SLC35D1: variants seen among roughly 807,000 people sequenced by gnomAD.
SLC35D1 encodes the protein nucleotide sugar transporter SLC35D1.
Under a neutral mutation model 46.7 loss-of-function variants are expected in SLC35D1, and 31 were observed. The ratio of observed to expected loss-of-function variants is 0.66; its 90% CI spans 0.50 to 0.90. The LOEUF (loss-of-function observed/expected upper bound fraction) is 0.90, where lower values mean the gene tolerates loss of function less well. SLC35D1 is among the 40% of genes least tolerant of loss of function. The pLI is 0.00. For missense variants in SLC35D1, 397 were observed against 426.2 expected, an observed-to-expected ratio of 0.93 and a Z score of 0.60; for synonymous variants, 195 against 164.6, an observed-to-expected ratio of 1.18 and a Z score of -1.41.
the SLC35D1 span, among the ~76,000 whole-genome samples, chr1:66,979,046 TAGGC>T: frequency 1.3e-5 from 2 of 152,174 alleles, no homozygotes; most frequent in African/African-American, 4.8e-5. Flanking sequence ...TTTTTTCCCT[TAGGC>T]AGGAATACCA....
At chr1:66,978,348 A>G in the SLC35D1 span, among the ~76,000 whole-genome samples, 1 of 152,172 alleles carries the variant, frequency 6.6e-6, no homozygotes, top group Non-Finnish European at 1.5e-5. Flanking sequence ...CCCACAGTAA[A>G]ACAATCTGAA....
intron 10 of SLC35D1, among the ~76,000 whole-genome samples, chr1:67,015,244 T>A (rs1207206817): frequency 6.7e-6 from 1 of 150,266 alleles, no homozygotes; most frequent in African/African-American, 2.4e-5. Flanking sequence ...TAAAAAATTT[T>A]AAAAATGTTT....
intron 11 of SLC35D1, chr1:67,008,529 C>A (rs959587972): frequency 7.2e-6 from 8 of 1,109,940 alleles, no homozygotes; most frequent in Non-Finnish European, 9.5e-6. Context: ...CTGAATGGAA[C>A]GTGCCGAACT....
Position 67,042,216 on chromosome 1 carries a change from C to T in SLC35D1, c.729+20G>A. 6.3e-7 allele frequency: 1 copy of T among 1,598,180 alleles called. No individual in the cohort carries two copies. Among genetic ancestry groups the T allele is most frequent in the Non-Finnish European group, 8.6e-7 (1 of 1,165,560 alleles). On this transcript the variant is annotated intron_variant, in intron 8 of 11. Transcript: ENST00000235345. The stretch of plus-strand genomic sequence containing the variant: ...CAGTTCATCAACGTAAGCCATTAAA[C>T]CGTAATTAGAAAGTCCTACCTTTTG...
chr1:67,013,146 T>C (rs1667600901), intron 10 of SLC35D1, among the ~76,000 whole-genome samples: 1 of 9,024 alleles, frequency 1.1e-4, no homozygotes, highest in Non-Finnish European at 2.0e-4. Flanking sequence ...TTTAAGAACA[T>C]ATATCCTGGA....
Position 67,052,108 on chromosome 1 carries a change from C to T in SLC35D1, c.325-29G>A, listed in dbSNP as rs574704667. 14 of 1,440,014 alleles carry T rather than the reference C, an allele frequency of 9.7e-6. No homozygotes were observed. In the South Asian group the frequency reaches 1.5e-4, roughly 15 times the overall value. The allele number at this position is 1,440,014 out of a possible 1,614,324, so 89.2% of individuals were successfully genotyped here. A position where few individuals can be genotyped will look rare whatever the true frequency, so the allele number is the denominator to read the frequency against. ...GAAAATTTAAAAAGGGATAACAAAA[C>T]TCAATAATAAAGATAGCTAAAACAA... On this transcript the variant is annotated intron_variant, in intron 3 of 11. Transcript: ENST00000235345.
downstream of SLC35D1, among the ~76,000 whole-genome samples, chr1:66,998,879 A>C (rs1368736434): frequency 1.3e-5 from 2 of 152,180 alleles, no homozygotes; most frequent in East Asian, 3.8e-4. Context: ...TGGAGTTTTA[A>C]TTTTGCAAGG....
At chr1:66,976,676 C>G in the SLC35D1 span, 1 of 1,605,930 alleles carries the variant, frequency 6.2e-7, no homozygotes, top group South Asian at 1.1e-5. Context: ...CTTTGCTCAG[C>G]AAACACGATT....
At chr1:66,984,762 T>C in the SLC35D1 span, 1 of 1,613,970 alleles carries the variant, frequency 6.2e-7, no homozygotes, top group Non-Finnish European at 8.5e-7. Flanking sequence ...ATGAAAATGA[T>C]TTTGATGAAA....
intron 3 of SLC35D1, among the ~76,000 whole-genome samples, chr1:67,052,386 T>C (rs1261113434): frequency 2.0e-5 from 3 of 152,134 alleles, no homozygotes; most frequent in Non-Finnish European, 4.4e-5. Context: ...CATGGCTCTA[T>C]TGTCAGCAGA....
intron 2 of SLC35D1, 44 bp from the exon 3 acceptor site, chr1:67,052,901 C>G (rs1240810963): frequency 1.2e-6 from 2 of 1,613,848 alleles, no homozygotes; most frequent in African/African-American, 2.7e-5. Context: ...CACATAAAGA[C>G]ACACACAGAA....
chr1:67,022,615 C>T (rs903045136), intron 8 of SLC35D1, among the ~76,000 whole-genome samples: 10 of 152,320 alleles, frequency 6.6e-5, no homozygotes, highest in Non-Finnish European at 1.3e-4. Context: ...AATGAACTCC[C>T]TGAAGGGAGG....
chr1:67,017,263 G>A (rs902225313), intron 10 of SLC35D1, among the ~76,000 whole-genome samples: 19 of 151,996 alleles, frequency 1.3e-4, no homozygotes, highest in Admixed American at 1.1e-3. Context: ...GTAAAAATGG[G>A]AGACTAGAAG....
At position 67,046,251 on chromosome 1, in the gene SLC35D1, C is replaced by T. The variant is rs80052255; in HGVS notation, c.636+1014G>A. Among the ~76,000 whole-genome samples, 581 of 152,258 alleles carry T rather than the reference C, an allele frequency of 3.8e-3. 3 individuals are homozygous for T. The highest frequency in any genetic ancestry group is 0.014 in the African/African-American group (564 of 41,558). On this transcript the variant is annotated intron_variant, in intron 7 of 11. Coordinates refer to ENST00000235345, the MANE Select transcript of SLC35D1 (RefSeq NM_015139.3). ...TTCTTTTCTAGAGGAGCAGGCAAAG[C>T]CCCTGGCCAAGGCAAGATCAATTCA...
chr1:66,998,699 A>T (rs1165388794), downstream of SLC35D1, among the ~76,000 whole-genome samples: 1 of 152,226 alleles, frequency 6.6e-6, no homozygotes, highest in Non-Finnish European at 1.5e-5. Flanking sequence ...AACATGGAAT[A>T]ACATCAAGGG....
the SLC35D1 span, among the ~76,000 whole-genome samples, chr1:66,974,987 A>G: frequency 2.0e-4 from 31 of 152,212 alleles, no homozygotes; most frequent in Admixed American, 1.4e-3. Flanking sequence ...AGAGGAGACA[A>G]AAAACAGCTT....
At chr1:66,988,907 G>C in the SLC35D1 span, among the ~76,000 whole-genome samples, 2 of 152,188 alleles carry the variant, frequency 1.3e-5, no homozygotes, top group African/African-American at 2.4e-5. Flanking sequence ...AGTGTTAATG[G>C]TAGAAAAGTA....
At chr1:66,978,112 C>A in the SLC35D1 span, among the ~76,000 whole-genome samples, 1 of 151,276 alleles carries the variant, frequency 6.6e-6, no homozygotes, top group East Asian at 1.9e-4. Context: ...AGAAGAATTG[C>A]TTGAACCCAG....
At chr1:67,032,843 A>AT (rs1558160167) in intron 8 of SLC35D1, among the ~76,000 whole-genome samples, 4 of 152,030 alleles carry the variant, frequency 2.6e-5, no homozygotes, top group African/African-American at 9.7e-5. Context: ...GTTCTTATTC[A>AT]TTTTTTCTAA....
Sources: gnomAD v4.1 joint callset for allele counts (sites outside exome capture counted in the v4.1 genomes callset) on GRCh38, gnomAD v4.1.1 for gene constraint, MANE v1.5 for transcripts, NCBI Gene and HGNC (gene_info 2026-07-23, HGNC 2026-07-21) for gene names.